NELL2: variants seen among roughly 807,000 people sequenced by gnomAD.
NELL2 encodes neural EGFL like 2, also known as protein kinase C-binding protein NELL2.
Under a neutral mutation model 109.6 loss-of-function variants are expected in NELL2, and 41 were observed. The observed-to-expected ratio is 0.37, with a 90% confidence interval of 0.29 to 0.49. The LOEUF is 0.49. NELL2 is among the 20% of genes least tolerant of loss of function. The pLI, the probability that NELL2 is intolerant of heterozygous loss-of-function variation, is 0.98. For missense variants in NELL2, 900 were observed against 1,008.3 expected (o/e 0.89, Z 1.45); for synonymous variants, 355 against 344.7 (o/e 1.03, Z -0.33).
At chr12:44,568,706 T>C (rs959036097) in intron 15 of NELL2, among the ~76,000 whole-genome samples, 1 of 152,018 alleles carries the variant, frequency 6.6e-6, no homozygotes. Flanking sequence ...TTTGTGATTC[T>C]GAAATATAGT....
intron 15 of NELL2, among the ~76,000 whole-genome samples, chr12:44,565,377 T>C (rs1295258479): frequency 1.3e-5 from 2 of 152,206 alleles, no homozygotes; most frequent in East Asian, 3.8e-4. Context: ...TTAGACACTT[T>C]CTGATTTTTG....
intron 9 of NELL2, among the ~76,000 whole-genome samples, chr12:44,746,517 C>T (rs147250332): frequency 0.027 from 4,119 of 152,210 alleles, 182 homozygotes; most frequent in African/African-American, 0.092. Flanking sequence ...AGGCAACCTA[C>T]AGAATGGGAG....
At chr12:44,705,016 CAA>C (rs11380443) in intron 11 of NELL2, among the ~76,000 whole-genome samples, 409 of 103,256 alleles carry the variant, frequency 4.0e-3, no homozygotes, top group African/African-American at 0.01. Context: ...AGGACTCCAT[CAA>C]AAAAAAAAAA....
In NELL2 at chr12:44,777,332, A is replaced by G. The variant is rs1416844363; in HGVS notation, c.607-18T>C. On this transcript the variant is annotated intron_variant, in intron 5 of 19. Coordinates refer to ENST00000429094, the MANE Select transcript of NELL2 (RefSeq NM_001145108.2). ...ATTATACCCTGTGTGTGAAAAATAG[A>G]AAAAAAAGACATATTACTTTCATTT... The G allele has an allele frequency of 6.2e-6, 10 of 1,600,072 alleles. No individual in the cohort carries two copies. The highest frequency in any genetic ancestry group is 2.7e-5 in the African/African-American group (2 of 74,592).
chr12:44,882,834 C>CTTTT (rs35577007), intron 1 of NELL2, among the ~76,000 whole-genome samples: 17 of 73,306 alleles, frequency 2.3e-4, no homozygotes, highest in East Asian at 1.1e-3. Flanking sequence ...GGCTATATAC[C>CTTTT]TTTTTTTTTT....
intron 9 of NELL2, among the ~76,000 whole-genome samples, chr12:44,765,984 G>A (rs931220952): frequency 1.4e-4 from 22 of 151,978 alleles, no homozygotes; most frequent in Admixed American, 9.2e-4. Context: ...GCTGAGCATG[G>A]TGGCTGGCAC....
intron 15 of NELL2, among the ~76,000 whole-genome samples, chr12:44,563,649 C>T (rs963763870): frequency 1.3e-5 from 2 of 152,162 alleles, no homozygotes; most frequent in African/African-American, 2.4e-5. Context: ...TTGAACATAA[C>T]TCAATCTTTC....
chr12:44,523,315 G>A lies in NELL2; in HGVS notation c.1974C>T (p.Asp658=). 2 of 1,614,144 alleles carry A rather than the reference G, an allele frequency of 1.2e-6. No homozygotes were observed. Among genetic ancestry groups the A allele is most frequent in the South Asian group, 1.1e-5 (1 of 91,084 alleles). The change falls in exon 17 of 20, where the codon GAC becomes GAT. Residue 658 remains aspartate (D), a synonymous_variant. Transcript: ENST00000429094. The part of the protein sequence containing the change: ...HNGQIWVLEN[D]RCSVCSCQNG... ...CCTGACATGAGCACACAGAGCACCT[G>A]TCATTTTCCAACACCCAAATCTGAC...
At chr12:44,586,954 A>C (rs1006813499) in intron 15 of NELL2, among the ~76,000 whole-genome samples, 33 of 152,228 alleles carry the variant, frequency 2.2e-4, no homozygotes, top group African/African-American at 7.5e-4. Flanking sequence ...TAACATCAGT[A>C]GTTGAGTAAG....
chr12:44,741,329 C>T (rs912663517), intron 9 of NELL2, among the ~76,000 whole-genome samples: 10 of 152,048 alleles, frequency 6.6e-5, no homozygotes, highest in African/African-American at 1.9e-4. Flanking sequence ...GGGGAGGAGC[C>T]AAGATGGCCA....
At chr12:44,650,772 TTTCTTTC>T in intron 13 of NELL2, among the ~76,000 whole-genome samples, 1 of 148,538 alleles carries the variant, frequency 6.7e-6, no homozygotes, top group South Asian at 2.1e-4. Context: ...TCTTTCTTTC[TTTCTTTC>T]TTTCTTTGCC....
chr12:44,853,292 G>T (rs1031827356), intron 2 of NELL2, among the ~76,000 whole-genome samples: 3 of 152,132 alleles, frequency 2.0e-5, no homozygotes, highest in Non-Finnish European at 2.9e-5. Flanking sequence ...AATTTTAAAA[G>T]TCCAATTTCT....
chr12:44,560,057 C>T (rs1348807387), intron 15 of NELL2, among the ~76,000 whole-genome samples: 1 of 152,134 alleles, frequency 6.6e-6, no homozygotes, highest in Non-Finnish European at 1.5e-5. Flanking sequence ...GGAAACTGAA[C>T]AACATGCTCC....
Position 44,892,694 on chromosome 12 carries a change from A to T in NELL2, c.39-16794T>A, listed in dbSNP as rs1194277402. Among the ~76,000 whole-genome samples the T allele has an allele frequency of 6.1e-5, 9 of 146,740 alleles. No homozygotes were observed. In the Admixed American group the frequency reaches 6.3e-4, roughly 10 times the overall value. On this transcript the variant is annotated intron_variant, in intron 1 of 20. Coordinates refer to the NELL2 transcript ENST00000333837. ...GCGCCTGTACTCCCAGCTACTCGGG[A>T]GGCTGAGGCAGGAGAATGGCGTGAA...
chr12:44,597,698 C>T (rs1945022042), intron 15 of NELL2, among the ~76,000 whole-genome samples: 1 of 152,138 alleles, frequency 6.6e-6, no homozygotes, highest in East Asian at 1.9e-4. Flanking sequence ...ATGACAAGCC[C>T]TATGAAAAAC....
At position 44,651,991 on chromosome 12, in the gene NELL2, G is replaced by T. The variant is rs78982064; in HGVS notation, c.1444+13493C>A. On this transcript the variant is annotated intron_variant, in intron 13 of 19. Transcript: ENST00000429094. ...ATCTGAAAATCTGGCTGGAAATCCA[G>T]ATTTTAATGACAAAATATTTTGAAT... 1.2e-3 allele frequency among the ~76,000 whole-genome samples: 185 copies of T among 152,222 alleles called. 3 individuals carry two copies. The East Asian group carries it at 0.026, about 22-fold the overall frequency.
At chr12:44,698,631 A>C (rs1949131507) in intron 12 of NELL2, among the ~76,000 whole-genome samples, 2 of 152,204 alleles carry the variant, frequency 1.3e-5, no homozygotes, top group Non-Finnish European at 2.9e-5. Context: ...CTAGGCTATC[A>C]GTAAGAAATT....
In NELL2 at chr12:44,635,653, TG is replaced by T. The variant is rs1946611325; in HGVS notation, c.1445-24684del. On this transcript the variant is annotated intron_variant, in intron 13 of 19. Coordinates refer to ENST00000429094, the MANE Select transcript of NELL2 (RefSeq NM_001145108.2). ...GTTCCATTGATCTATACATCTGTTT[TG>T]GTACCAGTACCATGCTGTTTTGGTT... Among the ~76,000 whole-genome samples, 5 of 152,330 alleles carry T rather than the reference TG, an allele frequency of 3.3e-5. No individual in the cohort carries two copies. The South Asian group carries it at 1.0e-3, about 32-fold the overall frequency.
intron 13 of NELL2, among the ~76,000 whole-genome samples, chr12:44,639,879 C>T (rs1946788717): frequency 6.6e-6 from 1 of 152,110 alleles, no homozygotes; most frequent in Admixed American, 6.5e-5. Context: ...TGATCGGACC[C>T]CACCCTACAT....
Sources: gnomAD v4.1 joint callset for allele counts (sites outside exome capture counted in the v4.1 genomes callset) on GRCh38, gnomAD v4.1.1 for gene constraint, MANE v1.5 for transcripts, NCBI Gene and HGNC (gene_info 2026-07-23, HGNC 2026-07-21) for gene names.